The following SBF2 variants were observed in gnomAD, a reference collection of about 807,000 sequenced individuals.
SBF2 encodes SET binding factor 2, also known as myotubularin-related protein 13.
Under a neutral mutation model 225.2 loss-of-function variants are expected in SBF2, and 112 were observed. The observed-to-expected ratio is 0.50, with a 90% CI of 0.43 to 0.58. The LOEUF (loss-of-function observed/expected upper bound fraction) is 0.58. Ranked by LOEUF, SBF2 falls within the 20% of genes least tolerant of loss-of-function variation. The pLI, the probability that SBF2 is intolerant of heterozygous loss-of-function variation, is 0.00. For missense variants in SBF2, 1,996 were observed against 2,206.2 expected (o/e 0.90, Z 1.91); for synonymous variants, 763 against 773.3 (o/e 0.99, Z 0.22).
intron 1 of SBF2, among the ~76,000 whole-genome samples, chr11:10,258,800 G>T (rs1471502478): frequency 1.3e-5 from 2 of 152,088 alleles, no homozygotes; most frequent in Non-Finnish European, 2.9e-5. Context: ...GGGCAAATAA[G>T]ATATATCTTT....
intron 2 of SBF2, among the ~76,000 whole-genome samples, chr11:10,096,757 C>T (rs1952043025): frequency 6.6e-6 from 1 of 152,104 alleles, no homozygotes; most frequent in African/African-American, 2.4e-5. Flanking sequence ...TTTTTTATCA[C>T]CTTGCAATGA....
intron 27 of SBF2, among the ~76,000 whole-genome samples, chr11:9,830,537 C>T (rs1350268327): frequency 9.2e-5 from 14 of 151,904 alleles, no homozygotes; most frequent in South Asian, 4.2e-4. Context: ...GTCAGGAGTT[C>T]GAGACCAGCC....
intron 17 of SBF2, among the ~76,000 whole-genome samples, chr11:9,891,542 A>G (rs566943376): frequency 2.5e-4 from 38 of 152,360 alleles, no homozygotes; most frequent in African/African-American, 8.7e-4. Context: ...TGAAACAGAT[A>G]TAAGCACAGG....
chr11:9,833,451 C>G (rs562705909), intron 26 of SBF2, among the ~76,000 whole-genome samples: 2 of 136,200 alleles, frequency 1.5e-5, no homozygotes, highest in African/African-American at 5.4e-5. Context: ...GATGCAGTCT[C>G]GCTCTGTCGC....
At chr11:9,836,091 TCTC>T (rs1855719924) in intron 26 of SBF2, among the ~76,000 whole-genome samples, 7 of 152,170 alleles carry the variant, frequency 4.6e-5, no homozygotes, top group Non-Finnish European at 4.4e-5. Context: ...TCCTTTTTAC[TCTC>T]TTGATGATAT....
chr11:10,198,684 A>G (rs369238880), intron 1 of SBF2, among the ~76,000 whole-genome samples: 158 of 152,318 alleles, frequency 1.0e-3, no homozygotes, highest in African/African-American at 3.4e-3. Context: ...TTTCGTCTAC[A>G]CTGTTACTGT....
intron 20 of SBF2, 103 bp from the exon 21 acceptor site, chr11:9,852,852 C>A: frequency 1.1e-6 from 1 of 924,086 alleles, no homozygotes; most frequent in South Asian, 1.3e-5. Flanking sequence ...TTTACTGGTT[C>A]CTCAAAAAAG....
intron 2 of SBF2, among the ~76,000 whole-genome samples, chr11:10,112,195 A>G (rs1363872810): frequency 6.6e-6 from 1 of 152,198 alleles, no homozygotes; most frequent in African/African-American, 2.4e-5. Context: ...ACAAGAACTG[A>G]GAGTAAAGAG....
intron 16 of SBF2, among the ~76,000 whole-genome samples, chr11:9,932,642 G>A (rs904145520): frequency 2.0e-5 from 3 of 152,068 alleles, no homozygotes; most frequent in Non-Finnish European, 4.4e-5. Context: ...CATAAACATG[G>A]AAAGGAACAA....
intron 36 of SBF2, 77 bp downstream of exon 36, chr11:9,787,557 C>A: frequency 8.0e-7 from 1 of 1,252,284 alleles, no homozygotes; most frequent in Admixed American, 1.8e-5. Context: ...GTCTTGTCAC[C>A]TGTGGCAGCA....
intron 2 of SBF2, among the ~76,000 whole-genome samples, chr11:10,077,052 C>T (rs960387682): frequency 6.6e-6 from 1 of 152,162 alleles, no homozygotes; most frequent in East Asian, 1.9e-4. Context: ...ATCTCGCATG[C>T]TAGCGCCACC....
At chr11:10,193,511 C>T (rs1216873795) in intron 2 of SBF2, among the ~76,000 whole-genome samples, 5 of 151,966 alleles carry the variant, frequency 3.3e-5, no homozygotes, top group African/African-American at 4.8e-5. Flanking sequence ...CCCGCCACCA[C>T]GCCCGGCTAA....
intron 16 of SBF2, chr11:9,959,721 C>T (rs543039670): frequency 1.4e-6 from 1 of 691,832 alleles, no homozygotes; most frequent in East Asian, 3.3e-5. Flanking sequence ...CTTTCTCACC[C>T]TGAGGTAGGG....
chr11:10,288,140 C>A (rs1190480560), intron 1 of SBF2, among the ~76,000 whole-genome samples: 3 of 152,194 alleles, frequency 2.0e-5, no homozygotes, highest in Non-Finnish European at 2.9e-5. Context: ...CAGGTCTGGG[C>A]TCCCAGAAGG....
At chr11:10,101,104 T>C (rs1359144443) in intron 2 of SBF2, among the ~76,000 whole-genome samples, 1 of 152,168 alleles carries the variant, frequency 6.6e-6, no homozygotes, top group Admixed American at 6.6e-5. Flanking sequence ...TGGCACAAGT[T>C]CAGCAGGCCT....
At chr11:9,794,675 T>TAAAAA in intron 33 of SBF2, among the ~76,000 whole-genome samples, 2 of 1,468 alleles carry the variant, frequency 1.4e-3, no homozygotes, top group Non-Finnish European at 5.2e-3. Context: ...GGACTCCGTC[T>TAAAAA]CAAAAAAAAA....
chr11:10,226,348 A>C (rs1958545207), intron 1 of SBF2, among the ~76,000 whole-genome samples: 1 of 152,104 alleles, frequency 6.6e-6, no homozygotes, highest in East Asian at 1.9e-4. Context: ...TTATTATTAT[A>C]GTTTAAGTTT....
chr11:9,783,453 T>A (rs187518876), intron 38 of SBF2, among the ~76,000 whole-genome samples: 1 of 152,198 alleles, frequency 6.6e-6, no homozygotes, highest in Non-Finnish European at 1.5e-5. Context: ...TATAGATAAA[T>A]GCATTGAGAA....
At chr11:9,956,113 T>C (rs1035709125) in intron 16 of SBF2, among the ~76,000 whole-genome samples, 1 of 152,188 alleles carries the variant, frequency 6.6e-6, no homozygotes, top group Admixed American at 6.5e-5. Flanking sequence ...TTCATTTATT[T>C]TCTCTGATAT....
Sources: gnomAD v4.1 joint callset for allele counts (sites outside exome capture counted in the v4.1 genomes callset) on GRCh38, gnomAD v4.1.1 for gene constraint, MANE v1.5 for transcripts, NCBI Gene and HGNC (gene_info 2026-07-23, HGNC 2026-07-21) for gene names.